Variants in CDH8 observed in about 807,000 individuals in gnomAD.
CDH8 encodes cadherin 8, also known as cadherin-8.
CDH8 carries 17 observed loss-of-function variants against 68.1 expected under a neutral mutation model. That is an observed-to-expected ratio of 0.25 (90% CI 0.17 to 0.37). CDH8 has a LOEUF of 0.37. CDH8 is among the 10% of genes least tolerant of loss of function. CDH8 has a pLI of 1.00. For missense variants in CDH8, 763 were observed against 999.3 expected, an observed-to-expected ratio of 0.76 and a Z score of 3.19; for synonymous variants, 372 against 365.1, an observed-to-expected ratio of 1.02 and a Z score of -0.21.
At chr16:62,016,245 A>G (rs1457618874) in intron 2 of CDH8, among the ~76,000 whole-genome samples, 1 of 152,058 alleles carries the variant, frequency 6.6e-6, no homozygotes, top group Non-Finnish European at 1.5e-5. Context: ...ATGTTTCTTC[A>G]TGTGATTATC....
chr16:61,978,882 C>T (rs1418763594), intron 2 of CDH8, among the ~76,000 whole-genome samples: 3 of 152,094 alleles, frequency 2.0e-5, no homozygotes, highest in African/African-American at 7.2e-5. Flanking sequence ...TAAAAGCCTC[C>T]TCACCTCCCT....
At chr16:61,926,234 A>T (rs1964455191) in intron 2 of CDH8, among the ~76,000 whole-genome samples, 1 of 151,796 alleles carries the variant, frequency 6.6e-6, no homozygotes, top group Non-Finnish European at 1.5e-5. Context: ...TCTATGTTCC[A>T]AATATGGGAA....
intron 7 of CDH8, among the ~76,000 whole-genome samples, chr16:61,808,572 G>A (rs901448842): frequency 6.6e-6 from 1 of 152,090 alleles, no homozygotes; most frequent in African/African-American, 2.4e-5. Context: ...AGGGCTCTAA[G>A]GCAATGATGG....
chr16:61,724,563 C>T (rs962886326), intron 9 of CDH8, among the ~76,000 whole-genome samples: 5 of 150,572 alleles, frequency 3.3e-5, no homozygotes, highest in Non-Finnish European at 6.0e-5. Flanking sequence ...GGAAGCTGAT[C>T]CCCTGAGTTT....
At chr16:62,011,565 G>C (rs1206052618) in intron 2 of CDH8, among the ~76,000 whole-genome samples, 2 of 152,156 alleles carry the variant, frequency 1.3e-5, no homozygotes, top group Non-Finnish European at 2.9e-5. Flanking sequence ...AAAAAAGCAT[G>C]ATTTGACCCA....
chr16:61,719,872 C>G (rs1345281625), intron 9 of CDH8, among the ~76,000 whole-genome samples: 1 of 150,720 alleles, frequency 6.6e-6, no homozygotes, highest in East Asian at 2.0e-4. Context: ...CTCGAGATAC[C>G]ATATAATTTC....
intron 10 of CDH8, among the ~76,000 whole-genome samples, chr16:61,689,790 C>T (rs1964182512): frequency 6.6e-6 from 1 of 151,852 alleles, no homozygotes; most frequent in Non-Finnish European, 1.5e-5. Flanking sequence ...AAGATTTAAA[C>T]ATAAATCATA....
chr16:61,679,977 G>A (rs1336753771), intron 10 of CDH8, among the ~76,000 whole-genome samples: 2 of 152,066 alleles, frequency 1.3e-5, no homozygotes, highest in African/African-American at 4.8e-5. Context: ...TGAATTTTGT[G>A]TTCTGTGAAT....
chr16:61,847,537 T>G (rs2143010868), intron 4 of CDH8, among the ~76,000 whole-genome samples: 1 of 66,058 alleles, frequency 1.5e-5, no homozygotes, highest in Middle Eastern at 7.5e-3. Context: ...TTCCAATCAT[T>G]TTATATATAT....
chr16:61,899,989 CTTTA>C, intron 3 of CDH8, among the ~76,000 whole-genome samples: 1 of 152,166 alleles, frequency 6.6e-6, no homozygotes, highest in Non-Finnish European at 1.5e-5. Flanking sequence ...AATACTTGGC[CTTTA>C]TTTGTGTCTA....
chr16:61,882,657 T>G (rs1287075910), intron 3 of CDH8, among the ~76,000 whole-genome samples: 1 of 152,008 alleles, frequency 6.6e-6, no homozygotes, highest in Admixed American at 6.6e-5. Context: ...CACTTATAAG[T>G]GGGAGCTAGA....
intron 4 of CDH8, among the ~76,000 whole-genome samples, chr16:61,852,005 C>T (rs1386273382): frequency 1.3e-5 from 2 of 152,054 alleles, no homozygotes; most frequent in African/African-American, 2.4e-5. Context: ...AAGTCAAACT[C>T]AGTTGTCTCA....
intron 2 of CDH8, among the ~76,000 whole-genome samples, chr16:61,994,164 T>C (rs1157562953): frequency 6.6e-6 from 1 of 152,218 alleles, no homozygotes; most frequent in Non-Finnish European, 1.5e-5. Context: ...ATTTTTAAAT[T>C]GCATTCTTGT....
At chr16:61,768,429 CCT>C (rs1960690313) in intron 8 of CDH8, among the ~76,000 whole-genome samples, 1 of 69,234 alleles carries the variant, frequency 1.4e-5, no homozygotes, top group Non-Finnish European at 2.6e-5. Context: ...TCTCTCTCTC[CCT>C]CTCCCTCTCT....
intron 8 of CDH8, among the ~76,000 whole-genome samples, chr16:61,774,659 A>T (rs1960862622): frequency 6.6e-6 from 1 of 152,042 alleles, no homozygotes; most frequent in African/African-American, 2.4e-5. Flanking sequence ...TCCTTTCTTC[A>T]TTCATTCAGT....
rs999399851 is a variant in CDH8 at position 61,857,451 on chromosome 16, C to T, written c.548-213G>A. ...AGTCCTGGAGTACTATATAAAGATA[C>T]TTTTAGTATCTGTATTATTTAAGAT... On this transcript the variant is annotated intron_variant, in intron 3 of 11. Transcript: ENST00000577390. Among the ~76,000 whole-genome samples, 7 of 152,146 alleles carry T rather than the reference C, an allele frequency of 4.6e-5. No homozygotes were observed. In the South Asian group the frequency reaches 1.5e-3, roughly 32 times the overall value.
At chr16:61,814,293 C>T (rs1334163390) in intron 7 of CDH8, among the ~76,000 whole-genome samples, 1 of 152,086 alleles carries the variant, frequency 6.6e-6, no homozygotes, top group Non-Finnish European at 1.5e-5. Flanking sequence ...CTTTATTTTA[C>T]ATTAGTGAAA....
intron 2 of CDH8, among the ~76,000 whole-genome samples, chr16:61,927,438 ATATT>A (rs1229345641): frequency 1.1e-4 from 16 of 152,142 alleles, no homozygotes; most frequent in Admixed American, 1.0e-3. Flanking sequence ...TTATATATGT[ATATT>A]TATAAGTATA....
chr16:61,972,417 T>C (rs1230090251), intron 2 of CDH8, among the ~76,000 whole-genome samples: 1 of 152,194 alleles, frequency 6.6e-6, no homozygotes, highest in Middle Eastern at 3.2e-3. Flanking sequence ...AATGGGGTAG[T>C]GTAATCATCT....
Sources: allele counts gnomAD v4.1 joint callset (sites outside exome capture counted in the v4.1 genomes callset), GRCh38; gene constraint gnomAD v4.1.1; transcripts MANE v1.5; gene names NCBI Gene and HGNC (gene_info 2026-07-23, HGNC 2026-07-21).